Variants in SAC3D1 observed in about 807,000 individuals in gnomAD.
The protein encoded by SAC3D1 is SAC3 domain-containing protein 1.
A neutral mutation model predicts 12.7 loss-of-function variants in SAC3D1; 10 were observed. The ratio of observed to expected loss-of-function variants is 0.79; its 90% CI spans 0.49 to 1.34. The LOEUF is 1.34. SAC3D1 is among the 40% of genes most tolerant of loss of function. The pLI is 0.00. For missense variants in SAC3D1, 482 were observed against 531.1 expected, an observed-to-expected ratio of 0.91 and a Z score of 0.91; for synonymous variants, 241 against 250.8, an observed-to-expected ratio of 0.96 and a Z score of 0.37.
rs770742575 is a variant in SAC3D1 at position 65,041,268 on chromosome 11, C to T, written c.-25C>T. ...ACTGCCGTCCCCGGGATGCTGAGCG[C>T]CCACCGTCTCCCCGCAGCCCCCTCA... is the stretch of plus-strand genomic sequence containing the variant. On this transcript the variant is annotated 5_prime_UTR_variant, in exon 1 of 2. Transcript: ENST00000652489. 1.6e-5 allele frequency: 24 copies of T among 1,489,970 alleles called. No homozygotes were observed. The Admixed American group carries it at 4.2e-4, about 26-fold the overall frequency. The allele number at this position is 1,489,970 out of a possible 1,614,324, so 92.3% of individuals were successfully genotyped here. A position where few individuals can be genotyped will look rare whatever the true frequency, so the allele number is the denominator to read the frequency against.
At position 65,041,488 on chromosome 11, in the gene SAC3D1, C is replaced by A; in HGVS notation, c.196C>A (p.Pro66Thr). 1 of 1,472,232 alleles carries A rather than the reference C, an allele frequency of 6.8e-7. No individual in the cohort carries two copies. Among genetic ancestry groups the A allele is most frequent in the South Asian group, 1.3e-5 (1 of 76,970 alleles). 91.2% of individuals were successfully genotyped at this position (1,472,232 alleles called of 1,614,324 possible). Reference protein sequence around the residue: ...RPAAGKPRPPPSQLRPPSVLL... With the variant: ...RPAAGKPRPPTSQLRPPSVLL... ...CGCCGCCGGCAAGCCCCGGCCCCCG[C>A]CCAGCCAGTTGCGTCCGCCCTCCGT... is the stretch of plus-strand genomic sequence containing the variant. The change falls in exon 1 of 2, where the codon CCC becomes ACC. Residue 66 changes from proline to threonine, a missense_variant. Physicochemically the swap from Pro to Thr is conservative, Grantham distance 38. Coordinates refer to ENST00000652489, the MANE Select transcript of SAC3D1 (RefSeq NM_013299.4).
Position 65,041,383 on chromosome 11 carries a change from C to T in SAC3D1, c.91C>T (p.Arg31Cys). Reference protein sequence around the residue: ...AQREREHRLHRLEVVPGCRQD... With the variant: ...AQREREHRLHCLEVVPGCRQD... ...GCGCGAAAGGGAGCACCGCCTGCAC[C>T]GCTTGGAGGTGGTGCCGGGTTGCCG... The change falls in exon 1 of 2, where the codon CGC (arginine) becomes TGC (cysteine). Residue 31 changes from arginine (R) to cysteine (C), a missense_variant. Arg to Cys is a radical substitution (Grantham distance 180). Around this residue, in one of 3 missense-constraint regions of SAC3D1, gnomAD observed 197 missense variants for 183.2 expected, o/e 1.08. Coordinates refer to ENST00000652489, the MANE Select transcript of SAC3D1 (RefSeq NM_013299.4). The T allele has an allele frequency of 2.0e-6, 3 of 1,508,078 alleles. No individual in the cohort carries two copies. Among genetic ancestry groups the T allele is most frequent in the South Asian group, 2.5e-5 (2 of 81,082 alleles). 93.4% of individuals were successfully genotyped at this position (1,508,078 alleles called of 1,614,324 possible).
rs764129932 is a variant in SAC3D1, at chr11:65,044,309, A to C, written c.659A>C (p.Asp220Ala). The C allele has an allele frequency of 6.2e-7, 1 of 1,613,322 alleles. No homozygotes were observed. Among genetic ancestry groups the C allele is most frequent in the Non-Finnish European group, 8.5e-7 (1 of 1,180,018 alleles). The change falls in exon 2 of 2, where the codon GAT becomes GCT. Residue 220 changes from aspartate to alanine, a missense_variant. Asp to Ala is a moderately radical substitution (Grantham distance 126). This residue lies in a region of SAC3D1 where 225 missense variants were observed against 241.1 expected (regional missense o/e 0.93). Transcript: ENST00000652489. This position sits in a 1 kb window ranked among gnomAD's most constrained non-coding sequence, Gnocchi z 4.0. ...CPPLRKALAV[D>A]AAFREGNAAR... ...CCCCTCCGCAAGGCCTTGGCGGTAG[A>C]TGCTGCCTTCCGAGAGGGCAATGCT...
In SAC3D1 at chr11:65,041,881, T is replaced by C. The variant is rs1426740247; in HGVS notation, c.574+15T>C. ...CTATAACCTGGGTGAGTCGGGATCC[T>C]GGCGGCTGGGCAGAGCGTGGGGACA... On this transcript the variant is annotated intron_variant, in intron 1 of 1. Transcript: ENST00000652489. The C allele has an allele frequency of 1.4e-6, 2 of 1,423,652 alleles. No individual in the cohort carries two copies. Among genetic ancestry groups the C allele is most frequent in the Non-Finnish European group, 1.8e-6 (2 of 1,096,114 alleles). The allele number at this position is 1,423,652 out of a possible 1,614,324, so 88.2% of individuals were successfully genotyped here.
At position 65,041,675 on chromosome 11, in the gene SAC3D1, C is replaced by T. The variant is rs755884314; in HGVS notation, c.383C>T (p.Ala128Val). 2.2e-6 allele frequency: 3 copies of T among 1,395,022 alleles called. No individual in the cohort carries two copies. The highest frequency in any genetic ancestry group is 2.8e-6 in the Non-Finnish European group (3 of 1,077,922). 86.4% of individuals were successfully genotyped at this position (1,395,022 alleles called of 1,614,324 possible). Residue 128 changes from alanine (A) to valine (V), a missense_variant, in exon 1 of 2, where the codon GCG becomes GTG. By Grantham distance (64) the Ala-to-Val change is moderately conservative. Coordinates refer to ENST00000652489, the MANE Select transcript of SAC3D1 (RefSeq NM_013299.4). ...GCCGAGGCAGCTGTGGTGCTGGAGG[C>T]GGCGCTGGCCACGCTGCTGACCGTA... is the stretch of plus-strand genomic sequence containing the variant. ...GDAEAAVVLE[A>V]ALATLLTVVA... is the part of the protein sequence containing the mutation.
At position 65,041,415 on chromosome 11, in the gene SAC3D1, CCCGCCCCGCGCGGAT is replaced by C; in HGVS notation, c.128_142del (p.Pro43_Pro47del). The C allele has an allele frequency of 6.6e-7, 1 of 1,505,816 alleles. No homozygotes were observed. The allele number at this position is 1,505,816 out of a possible 1,614,324, so 93.3% of individuals were successfully genotyped here. A position where few individuals can be genotyped will look rare whatever the true frequency, so the allele number is the denominator to read the frequency against. ...AGGTGGTGCCGGGTTGCCGCCAGGA[CCCGCCCCGCGCGGAT>C]CCGCAGCGCGCGGTGAAGGAGTACA... On this transcript the variant is annotated inframe_deletion, in exon 1 of 2. Transcript: ENST00000652489.
In SAC3D1 at chr11:65,041,345, C is replaced by T; in HGVS notation, c.53C>T (p.Ala18Val). ...VGTCPDMCPA[A>V]ERAQREREHR... ...ACCTGCCCGGACATGTGCCCGGCCG[C>T]CGAGCGCGCCCAGCGCGAAAGGGAG... The change falls in exon 1 of 2, where the codon GCC becomes GTC. Residue 18 changes from alanine to valine, a missense_variant. Around this residue, in one of 3 missense-constraint regions of SAC3D1, gnomAD observed 197 missense variants for 183.2 expected, o/e 1.08. Transcript: ENST00000652489. The T allele has an allele frequency of 6.6e-7, 1 of 1,509,752 alleles. No homozygotes were observed. The highest frequency in any genetic ancestry group is 8.8e-7 in the Non-Finnish European group (1 of 1,136,368). The allele number at this position is 1,509,752 out of a possible 1,614,324, so 93.5% of individuals were successfully genotyped here.
In SAC3D1 at chr11:65,041,442, G is replaced by T; in HGVS notation, c.150G>T (p.Ala50=). 6.7e-7 allele frequency: 1 copy of T among 1,502,054 alleles called. No individual in the cohort carries two copies. Among genetic ancestry groups the T allele is most frequent in the Non-Finnish European group, 8.8e-7 (1 of 1,132,428 alleles). The allele number at this position is 1,502,054 out of a possible 1,614,324, so 93.0% of individuals were successfully genotyped here. ...QDPPRADPQR[A]VKEYSRPAAG... ...CGCCCCGCGCGGATCCGCAGCGCGC[G>T]GTGAAGGAGTACAGCCGACCCGCCG... The change falls in exon 1 of 2, where the codon GCG becomes GCT. Residue 50 remains alanine, a synonymous_variant. Coordinates refer to ENST00000652489, the MANE Select transcript of SAC3D1 (RefSeq NM_013299.4).
In SAC3D1 at chr11:65,041,433, G is replaced by C; in HGVS notation, c.141G>C (p.Pro47=). 6.7e-7 allele frequency: 1 copy of C among 1,503,060 alleles called. No individual in the cohort carries two copies. Among genetic ancestry groups the C allele is most frequent in the East Asian group, 2.7e-5 (1 of 37,378 alleles). 93.1% of individuals were successfully genotyped at this position (1,503,060 alleles called of 1,614,324 possible). ...GCRQDPPRAD[P]QRAVKEYSRP... is the part of the protein sequence containing the mutation. Reference sequence around the variant, plus strand: ...GCCAGGACCCGCCCCGCGCGGATCCGCAGCGCGCGGTGAAGGAGTACAGCC... The same window carrying C: ...GCCAGGACCCGCCCCGCGCGGATCCCCAGCGCGCGGTGAAGGAGTACAGCC... Residue 47 remains proline, a synonymous_variant, in exon 1 of 2, where the codon CCG becomes CCC. Coordinates refer to ENST00000652489, the MANE Select transcript of SAC3D1 (RefSeq NM_013299.4).
Position 65,044,154 on chromosome 11 carries a change from G to A in SAC3D1, c.575-71G>A. Reference sequence around the variant, plus strand: ...TGGTCGAGGAGAGAGGAAGGACAGGGTGTTGGGAGGGGAGATGAGCCTGAT... The same window carrying A: ...TGGTCGAGGAGAGAGGAAGGACAGGATGTTGGGAGGGGAGATGAGCCTGAT... On this transcript the variant is annotated intron_variant, in intron 1 of 1. Coordinates refer to ENST00000652489, the MANE Select transcript of SAC3D1 (RefSeq NM_013299.4). This position sits in a 1 kb window ranked among gnomAD's most constrained non-coding sequence, Gnocchi z 4.0. 2.0e-6 allele frequency: 3 copies of A among 1,535,242 alleles called. No individual in the cohort carries two copies. Among genetic ancestry groups the A allele is most frequent in the Non-Finnish European group, 2.7e-6 (3 of 1,126,570 alleles).
rs900189135 is a variant in SAC3D1, at chr11:65,041,465, C to T, written c.173C>T (p.Ala58Val). Reference sequence around the variant, plus strand: ...GCGGTGAAGGAGTACAGCCGACCCGCCGCCGGCAAGCCCCGGCCCCCGCCC... The same window carrying T: ...GCGGTGAAGGAGTACAGCCGACCCGTCGCCGGCAAGCCCCGGCCCCCGCCC... ...QRAVKEYSRP[A>V]AGKPRPPPSQ... Residue 58 changes from alanine (A) to valine (V), a missense_variant, in exon 1 of 2, where the codon GCC (alanine) becomes GTC (valine). Transcript: ENST00000652489. 2 of 1,482,270 alleles carry T rather than the reference C, an allele frequency of 1.3e-6. No individual in the cohort carries two copies. Among genetic ancestry groups the T allele is most frequent in the East Asian group, 5.6e-5 (2 of 35,530 alleles). The allele number at this position is 1,482,270 out of a possible 1,614,324, so 91.8% of individuals were successfully genotyped here.
At chr11:65,041,888 TG>T in intron 1 of SAC3D1, 22 bp downstream of exon 1, 1 of 1,413,988 alleles carries the variant, frequency 7.1e-7, no homozygotes, top group Non-Finnish European at 9.2e-7. Context: ...TCCTGGCGGC[TG>T]GGCAGAGCGT....
At chr11:65,042,741 C>T (rs1946632023) in intron 1 of SAC3D1, among the ~76,000 whole-genome samples, 1 of 152,212 alleles carries the variant, frequency 6.6e-6, no homozygotes, top group Middle Eastern at 3.4e-3. Flanking sequence ...AGGCCAACAC[C>T]ATGTTGGCCA....
chr11:65,041,938 G>A, intron 1 of SAC3D1, 72 bp downstream of exon 1: 1 of 1,293,884 alleles, frequency 7.7e-7, no homozygotes, highest in Non-Finnish European at 9.8e-7. Context: ...GGTAGGGAAA[G>A]GAAGGATTAG....
intron 1 of SAC3D1, chr11:65,043,143 C>A: frequency 2.5e-6 from 1 of 402,106 alleles, no homozygotes; most frequent in Admixed American, 2.8e-5. Context: ...TTTGTCCACA[C>A]TGTTCCTCTG....
At position 65,041,415 on chromosome 11, in the gene SAC3D1, C is replaced by T; in HGVS notation, c.123C>T (p.Asp41=). The part of the protein sequence containing the change: ...RLEVVPGCRQ[D]PPRADPQRAV... ...AGGTGGTGCCGGGTTGCCGCCAGGACCCGCCCCGCGCGGATCCGCAGCGCG... is the reference window on the plus strand; with the variant it reads ...AGGTGGTGCCGGGTTGCCGCCAGGATCCGCCCCGCGCGGATCCGCAGCGCG... Residue 41 remains aspartate, a synonymous_variant, in exon 1 of 2, where the codon GAC becomes GAT. Coordinates refer to ENST00000652489, the MANE Select transcript of SAC3D1 (RefSeq NM_013299.4). The T allele has an allele frequency of 6.6e-7, 1 of 1,505,816 alleles. No homozygotes were observed. The highest frequency in any genetic ancestry group is 8.8e-7 in the Non-Finnish European group (1 of 1,134,282). 93.3% of individuals were successfully genotyped at this position (1,505,816 alleles called of 1,614,324 possible). A position where few individuals can be genotyped will look rare whatever the true frequency, so the allele number is the denominator to read the frequency against.
Position 65,044,350 on chromosome 11 carries a change from C to T in SAC3D1, c.700C>T (p.Leu234=), listed in dbSNP as rs773360700. 1 of 1,613,348 alleles carries T rather than the reference C, an allele frequency of 6.2e-7. No individual in the cohort carries two copies. The highest frequency in any genetic ancestry group is 1.3e-5 in the African/African-American group (1 of 74,940). The part of the protein sequence containing the change: ...REGNAARLFR[L]LQTLPYLPSC... ...GGGCAATGCTGCCCGCCTGTTCCGTCTGCTCCAGACCCTGCCCTACCTGCC... is the reference window on the plus strand; with the variant it reads ...GGGCAATGCTGCCCGCCTGTTCCGTTTGCTCCAGACCCTGCCCTACCTGCC... Residue 234 remains leucine (L), a synonymous_variant, in exon 2 of 2, where the codon CTG becomes TTG. Transcript: ENST00000652489. The surrounding 1 kb of genome is among the most constrained non-coding windows in gnomAD (Gnocchi z 4.0).
rs574697798 is a variant in SAC3D1, at chr11:65,044,291, G to C, written c.641G>C (p.Arg214Pro). 3 of 1,613,302 alleles carry C rather than the reference G, an allele frequency of 1.9e-6. No homozygotes were observed. The highest frequency in any genetic ancestry group is 2.5e-6 in the Non-Finnish European group (3 of 1,180,016). The change falls in exon 2 of 2, where the codon CGC becomes CCC. Residue 214 changes from arginine to proline, a missense_variant. Coordinates refer to ENST00000652489, the MANE Select transcript of SAC3D1 (RefSeq NM_013299.4). The surrounding 1 kb of genome is among the most constrained non-coding windows in gnomAD (Gnocchi z 4.0). ...PAALRACPPL[R>P]KALAVDAAFR... ...GCCCTGCGCGCCTGCCCGCCCCTCCGCAAGGCCTTGGCGGTAGATGCTGCC... is the reference window on the plus strand; with the variant it reads ...GCCCTGCGCGCCTGCCCGCCCCTCCCCAAGGCCTTGGCGGTAGATGCTGCC...
At chr11:65,043,162 A>G (rs1946641221) in intron 1 of SAC3D1, 1 of 372,618 alleles carries the variant, frequency 2.7e-6, no homozygotes, top group Non-Finnish European at 5.5e-6. Context: ...TGAAGAAGGC[A>G]TGGTAATTAT....
Sources: allele counts gnomAD v4.1 joint callset (sites outside exome capture counted in the v4.1 genomes callset), GRCh38; gene constraint gnomAD v4.1.1; regional missense constraint gnomAD v4.1.1; non-coding constraint Gnocchi (gnomAD v3.1); transcripts MANE v1.5; gene names NCBI Gene and HGNC (gene_info 2026-07-23, HGNC 2026-07-21).